Variants in KIF13B observed in about 807,000 individuals in gnomAD.
KIF13B encodes kinesin-like protein KIF13B.
KIF13B carries 127 observed loss-of-function variants against 222.0 expected under a neutral mutation model. The observed-to-expected ratio is 0.57, with a 90% CI of 0.50 to 0.66. KIF13B has a LOEUF of 0.66. Among genes scored for constraint, KIF13B ranks in the 30% least tolerant of loss-of-function variants. KIF13B has a pLI of 0.00. For synonymous variants in KIF13B, 976 were observed against 919.0 expected, an observed-to-expected ratio of 1.06 and a Z score of -1.12; for missense variants, 2,173 against 2,379.0, an observed-to-expected ratio of 0.91 and a Z score of 1.80.
At chr8:29,190,625 G>T (rs1586903920) in intron 4 of KIF13B, 1 of 203,382 alleles carries the variant, frequency 4.9e-6, no homozygotes, top group East Asian at 1.3e-4. Context: ...AACCCAAAGA[G>T]GAGGTTGTGG....
At chr8:29,217,738 A>G (rs528489060) in intron 2 of KIF13B, among the ~76,000 whole-genome samples, 1 of 152,364 alleles carries the variant, frequency 6.6e-6, no homozygotes, top group South Asian at 2.1e-4. Flanking sequence ...AAAACTCCAG[A>G]ATAACAGCAG....
chr8:29,162,555 A>T (rs1413648337), intron 12 of KIF13B, among the ~76,000 whole-genome samples: 3 of 152,182 alleles, frequency 2.0e-5, no homozygotes, highest in African/African-American at 7.2e-5. Flanking sequence ...GAGGTAACTA[A>T]CTATACCTTT....
At chr8:29,114,581 C>T (rs984013352) in intron 31 of KIF13B, among the ~76,000 whole-genome samples, 5 of 151,982 alleles carry the variant, frequency 3.3e-5, no homozygotes, top group Non-Finnish European at 7.4e-5. Flanking sequence ...GTGAAGCTGA[C>T]GTGTGTGTAT....
intron 35 of KIF13B, among the ~76,000 whole-genome samples, chr8:29,100,701 C>T (rs181698985): frequency 3.0e-3 from 458 of 152,278 alleles, no homozygotes; most frequent in African/African-American, 0.01. Context: ...CCGCCCGCCT[C>T]GGCCTCCCAA....
intron 21 of KIF13B, among the ~76,000 whole-genome samples, chr8:29,136,606 A>C (rs1282548323): frequency 6.6e-6 from 1 of 151,590 alleles, no homozygotes; most frequent in Admixed American, 6.6e-5. Context: ...TTAATTAATT[A>C]ATTAATTAAA....
chr8:29,174,570 G>A (rs1016270232), intron 10 of KIF13B, among the ~76,000 whole-genome samples: 5 of 152,102 alleles, frequency 3.3e-5, no homozygotes, highest in Admixed American at 2.6e-4. Flanking sequence ...GTGGGCCAAG[G>A]TGTTTTAATT....
At chr8:29,177,656 C>CT in intron 8 of KIF13B, 78 bp from the exon 9 acceptor site, 1 of 952,834 alleles carries the variant, frequency 1.0e-6, no homozygotes, top group South Asian at 1.3e-5. Flanking sequence ...AATCCCAGCA[C>CT]TTTGGGAGGA....
At chr8:29,248,844 G>C (rs1816155828) in intron 1 of KIF13B, among the ~76,000 whole-genome samples, 1 of 152,200 alleles carries the variant, frequency 6.6e-6, no homozygotes, top group Admixed American at 6.5e-5. Context: ...GAAATTTGTA[G>C]AGACAAAATA....
chr8:29,255,639 T>C (rs1302002273), intron 1 of KIF13B, among the ~76,000 whole-genome samples: 1 of 152,072 alleles, frequency 6.6e-6, no homozygotes, highest in Non-Finnish European at 1.5e-5. Flanking sequence ...CTGGAGTTTC[T>C]CAGAGGAATG....
chr8:29,084,788 T>C (rs1807970147), intron 37 of KIF13B, among the ~76,000 whole-genome samples: 1 of 152,228 alleles, frequency 6.6e-6, no homozygotes, highest in African/African-American at 2.4e-5. Context: ...GTTCCTTCAA[T>C]TATTTTATGT....
At chr8:29,171,307 G>A (rs903884979) in intron 10 of KIF13B, among the ~76,000 whole-genome samples, 2 of 152,132 alleles carry the variant, frequency 1.3e-5, no homozygotes, top group African/African-American at 2.4e-5. Context: ...CATCCTCCCT[G>A]GGAGAAGAGC....
At chr8:29,090,449 G>A (rs911026890) in intron 37 of KIF13B, among the ~76,000 whole-genome samples, 3 of 152,316 alleles carry the variant, frequency 2.0e-5, no homozygotes, top group South Asian at 4.1e-4. Flanking sequence ...GGAGTGGATC[G>A]CGGACCGAGG....
chr8:29,245,421 T>A lies in KIF13B; in HGVS notation c.74A>T (p.Lys25Ile). ...MNRRETDLHT[K>I]CVVDVDANKV... ...GTTTGCATCCACATCCACCACACAT[T>A]TGGTATGCAAGTCAGTCTCTGTGGA... The change falls in exon 2 of 40, where the codon AAA becomes ATA. Residue 25 changes from lysine (K) to isoleucine (I), a missense_variant. Around this residue, in one of 2 missense-constraint regions of KIF13B, gnomAD observed 1,480 missense variants for 1,722.8 expected, o/e 0.86. Coordinates refer to ENST00000524189, the MANE Select transcript of KIF13B (RefSeq NM_015254.4). 1 of 1,599,158 alleles carries A rather than the reference T, an allele frequency of 6.3e-7. No homozygotes were observed. The highest frequency in any genetic ancestry group is 2.2e-5 in the East Asian group (1 of 44,678).
chr8:29,185,249 C>T (rs762752174), intron 6 of KIF13B, among the ~76,000 whole-genome samples: 4 of 152,214 alleles, frequency 2.6e-5, no homozygotes, highest in Middle Eastern at 3.2e-3. Flanking sequence ...CAACTTCCCA[C>T]TCCGCACAAA....
At chr8:29,262,893 C>T in intron 1 of KIF13B, 87 bp downstream of exon 1, 1 of 1,115,042 alleles carries the variant, frequency 9.0e-7, no homozygotes, top group Non-Finnish European at 1.2e-6. Flanking sequence ...GGGGCGGGGC[C>T]GCCGGACCCC....
chr8:29,125,130 C>T (rs1810050673), intron 26 of KIF13B, among the ~76,000 whole-genome samples: 1 of 152,164 alleles, frequency 6.6e-6, no homozygotes, highest in African/African-American at 2.4e-5. Context: ...GTAACTTCTG[C>T]TTTCTATATG....
At chr8:29,139,403 C>G (rs1298318639) in intron 21 of KIF13B, among the ~76,000 whole-genome samples, 1 of 152,166 alleles carries the variant, frequency 6.6e-6, no homozygotes, top group East Asian at 1.9e-4. Flanking sequence ...CCGATCATCA[C>G]ATGACTCAAA....
intron 37 of KIF13B, among the ~76,000 whole-genome samples, chr8:29,084,012 T>G (rs1038294023): frequency 3.3e-5 from 5 of 152,068 alleles, no homozygotes; most frequent in African/African-American, 1.2e-4. Context: ...CCTCCAGGGT[T>G]CAAGCGATTC....
At chr8:29,124,261 G>C in intron 26 of KIF13B, 138 bp from the exon 27 acceptor site, 2 of 567,054 alleles carry the variant, frequency 3.5e-6, no homozygotes, top group East Asian at 5.9e-5. Flanking sequence ...GCTACCACCA[G>C]TTGACTGCGC....
Sources: gnomAD v4.1 joint callset for allele counts (sites outside exome capture counted in the v4.1 genomes callset) on GRCh38, gnomAD v4.1.1 for gene constraint, gnomAD v4.1.1 regional missense constraint, MANE v1.5 for transcripts, NCBI Gene and HGNC (gene_info 2026-07-23, HGNC 2026-07-21) for gene names.